FOXP1: variants seen among roughly 807,000 people sequenced by gnomAD.
The protein encoded by FOXP1 is forkhead box P1, also known as forkhead box protein P1.
Under a neutral mutation model 98.2 loss-of-function variants are expected in FOXP1, and 15 were observed. The observed-to-expected ratio is 0.15, with a 90% CI of 0.10 to 0.24. FOXP1 has a LOEUF of 0.24. Among genes scored for constraint, FOXP1 ranks in the 10% least tolerant of loss-of-function variants. The probability of loss-of-function intolerance (pLI) is 1.00; values close to 1 mark genes in which losing one functional copy is unlikely to be tolerated. For missense variants in FOXP1, 633 were observed against 848.5 expected (o/e 0.75, Z 3.15); for synonymous variants, 371 against 314.5 (o/e 1.18, Z -1.90).
At chr3:71,214,038 G>A (rs2064718514) in intron 5 of FOXP1, among the ~76,000 whole-genome samples, 1 of 152,128 alleles carries the variant, frequency 6.6e-6, no homozygotes, top group African/African-American at 2.4e-5. Context: ...CAGTTAGCAA[G>A]GATTGAACTT....
rs578130910 is a variant in FOXP1 at position 71,318,973 on chromosome 3, G to A, written c.-72-19093C>T. Among the ~76,000 whole-genome samples the A allele has an allele frequency of 3.9e-5, 6 of 152,304 alleles. No homozygotes were observed. The East Asian group carries it at 5.8e-4, about 15-fold the overall frequency. ...AAGCACACACAAATTCAAGGATGAG[G>A]AGGACATTCATAAACAGAATAGAAT... On this transcript the variant is annotated intron_variant, in intron 4 of 20. Transcript: ENST00000649528.
At chr3:71,218,569 G>T (rs2037473) in intron 5 of FOXP1, among the ~76,000 whole-genome samples, 1 of 151,824 alleles carries the variant, frequency 6.6e-6, no homozygotes, top group Non-Finnish European at 1.5e-5. Context: ...TTAAAGCAGG[G>T]GTCTGCAAAC....
intron 6 of FOXP1, among the ~76,000 whole-genome samples, chr3:71,170,553 T>C (rs1422650212): frequency 6.6e-6 from 1 of 152,198 alleles, no homozygotes; most frequent in African/African-American, 2.4e-5. Flanking sequence ...TTAAATACCA[T>C]GAAAATAAAC....
In FOXP1 at chr3:71,167,527, C is replaced by T. The variant is rs186727795; in HGVS notation, c.180+30675G>A. On this transcript the variant is annotated intron_variant, in intron 6 of 20. Transcript: ENST00000649528. The stretch of plus-strand genomic sequence containing the variant: ...ATTATTATTTGGTGAAAGCTAATGT[C>T]GGAAAGATGAAAAACATGGTTTTAG... Among the ~76,000 whole-genome samples, 42 of 152,140 alleles carry T rather than the reference C, an allele frequency of 2.8e-4. No individual in the cohort carries two copies. The East Asian group carries it at 7.3e-3, about 27-fold the overall frequency.
chr3:71,091,052 G>A (rs2055761608), intron 7 of FOXP1, among the ~76,000 whole-genome samples: 2 of 148,388 alleles, frequency 1.3e-5, no homozygotes, highest in Non-Finnish European at 3.0e-5. Context: ...CAGAACAACA[G>A]CTATAAGAAG....
intron 2 of FOXP1, among the ~76,000 whole-genome samples, chr3:71,524,811 C>T (rs2107486056): frequency 6.6e-6 from 1 of 152,292 alleles, no homozygotes; most frequent in South Asian, 2.1e-4. Flanking sequence ...ATCTACTTGA[C>T]CCCACAGAAA....
intron 6 of FOXP1, among the ~76,000 whole-genome samples, chr3:71,195,490 T>A (rs1395034405): frequency 3.3e-5 from 5 of 152,236 alleles, no homozygotes; most frequent in African/African-American, 1.2e-4. Context: ...CTCGTTTTTA[T>A]ACCAGGCCCT....
intron 4 of FOXP1, among the ~76,000 whole-genome samples, chr3:71,307,244 C>G (rs972082303): frequency 1.3e-5 from 2 of 152,130 alleles, no homozygotes; most frequent in African/African-American, 4.8e-5. Context: ...TCACAGCCTT[C>G]GAGAATGCTG....
At chr3:71,017,392 G>T (rs1275844123) in intron 11 of FOXP1, among the ~76,000 whole-genome samples, 1 of 151,350 alleles carries the variant, frequency 6.6e-6, no homozygotes, top group African/African-American at 2.4e-5. Flanking sequence ...AAAAAGAAAA[G>T]AAAAATATTC....
chr3:71,002,329 C>A (rs2042221430), intron 12 of FOXP1, among the ~76,000 whole-genome samples: 1 of 152,134 alleles, frequency 6.6e-6, no homozygotes, highest in Non-Finnish European at 1.5e-5. Context: ...TTCATCTCAT[C>A]CTCGCTCCCC....
intron 3 of FOXP1, among the ~76,000 whole-genome samples, chr3:71,461,999 C>T (rs910129336): frequency 6.6e-6 from 1 of 152,114 alleles, no homozygotes; most frequent in African/African-American, 2.4e-5. Context: ...ATCAAGGATA[C>T]CTGAATGCTA....
intron 3 of FOXP1, among the ~76,000 whole-genome samples, chr3:71,463,475 C>A (rs1477190790): frequency 6.6e-6 from 1 of 151,902 alleles, no homozygotes; most frequent in East Asian, 1.9e-4. Flanking sequence ...CAGGGCCCTG[C>A]TGGCAGGGAA....
At chr3:70,965,675 T>G (rs1396259704) in intron 20 of FOXP1, among the ~76,000 whole-genome samples, 1 of 152,218 alleles carries the variant, frequency 6.6e-6, no homozygotes, top group Non-Finnish European at 1.5e-5. Context: ...TCTCATTTTA[T>G]TGCTGTGAAT....
intron 5 of FOXP1, among the ~76,000 whole-genome samples, chr3:71,269,512 C>G (rs1231132647): frequency 1.3e-5 from 2 of 152,178 alleles, no homozygotes; most frequent in African/African-American, 4.8e-5. Flanking sequence ...GGCCTCCCCA[C>G]TCTTCTAAGT....
intron 14 of FOXP1, among the ~76,000 whole-genome samples, chr3:70,983,321 A>C (rs1327249312): frequency 6.6e-6 from 1 of 152,086 alleles, no homozygotes; most frequent in African/African-American, 2.4e-5. Context: ...AGTATATAAA[A>C]CAGCTTTTGT....
intron 4 of FOXP1, among the ~76,000 whole-genome samples, chr3:71,339,640 T>G (rs2076897731): frequency 6.6e-6 from 1 of 152,250 alleles, no homozygotes; most frequent in Non-Finnish European, 1.5e-5. Flanking sequence ...AGGTTCCTAC[T>G]GGGCTCAAAT....
Position 70,988,650 on chromosome 3 carries a change from C to T in FOXP1, c.1063-573G>A, listed in dbSNP as rs368326238. Among the ~76,000 whole-genome samples, 34 of 152,308 alleles carry T rather than the reference C, an allele frequency of 2.2e-4. No homozygotes were observed. In the East Asian group the frequency reaches 6.2e-3, roughly 28 times the overall value. ...AATTTACTCAAGATTTGAGTACCTG[C>T]TATGTGCTAGTCTCATCTTAATAAT... On this transcript the variant is annotated intron_variant, in intron 13 of 20. Transcript: ENST00000649528.
chr3:71,396,993 T>C (rs867984961), intron 3 of FOXP1, among the ~76,000 whole-genome samples: 2,418 of 51,720 alleles, frequency 0.047, 288 homozygotes, highest in South Asian at 0.061. Context: ...TGTATATATA[T>C]ACACATATAT....
intron 2 of FOXP1, among the ~76,000 whole-genome samples, chr3:71,508,257 T>A (rs573646589): frequency 1.4e-4 from 22 of 152,332 alleles, no homozygotes; most frequent in African/African-American, 5.1e-4. Flanking sequence ...TAGCTTTGAT[T>A]TGGTTTTTAG....
Sources: gnomAD v4.1 joint callset for allele counts (sites outside exome capture counted in the v4.1 genomes callset) on GRCh38, gnomAD v4.1.1 for gene constraint, MANE v1.5 for transcripts, NCBI Gene and HGNC (gene_info 2026-07-23, HGNC 2026-07-21) for gene names.